Variants in MYRIP observed in about 807,000 individuals in gnomAD.
MYRIP encodes the protein myosin VIIA and Rab interacting protein.
In MYRIP, 49 loss-of-function variants were observed where a neutral mutation model predicts 98.0. The observed-to-expected ratio is 0.50, with a 90% CI of 0.40 to 0.63. MYRIP has a LOEUF of 0.63. Ranked by LOEUF, MYRIP falls within the 30% of genes least tolerant of loss-of-function variation. The probability of loss-of-function intolerance (pLI) is 0.00; values close to 1 mark genes in which losing one functional copy is unlikely to be tolerated. For missense variants in MYRIP, 1,004 were observed against 1,058.2 expected (o/e 0.95, Z 0.71); for synonymous variants, 404 against 409.5 (o/e 0.99, Z 0.16).
At chr3:39,937,461 G>C (rs1361269933) in intron 2 of MYRIP, among the ~76,000 whole-genome samples, 2 of 152,204 alleles carry the variant, frequency 1.3e-5, no homozygotes, top group African/African-American at 4.8e-5. Context: ...TGCAGACACA[G>C]TCCTGCTGTT....
At chr3:39,965,666 A>G (rs1945422210) in intron 2 of MYRIP, among the ~76,000 whole-genome samples, 1 of 152,050 alleles carries the variant, frequency 6.6e-6, no homozygotes, top group Non-Finnish European at 1.5e-5. Context: ...TGGAACCCTC[A>G]GGCATGAACT....
chr3:40,113,422 G>A (rs1949201970), intron 3 of MYRIP, among the ~76,000 whole-genome samples: 2 of 152,160 alleles, frequency 1.3e-5, no homozygotes, highest in African/African-American at 4.8e-5. Context: ...TGGGATTACA[G>A]GCATGAGCCA....
chr3:40,186,116 C>A (rs985550201), intron 9 of MYRIP, among the ~76,000 whole-genome samples: 1 of 152,036 alleles, frequency 6.6e-6, no homozygotes, highest in Non-Finnish European at 1.5e-5. Context: ...AACAGAATAG[C>A]CAGCGTCTCA....
At chr3:39,945,492 G>GAA (rs71618921) in intron 2 of MYRIP, among the ~76,000 whole-genome samples, 1 of 119,500 alleles carries the variant, frequency 8.4e-6, no homozygotes, top group East Asian at 3.1e-4. Flanking sequence ...AAAAAAAAAA[G>GAA]AAAAAAGAAA....
At chr3:39,931,565 T>C (rs1944537287) in intron 2 of MYRIP, among the ~76,000 whole-genome samples, 1 of 152,144 alleles carries the variant, frequency 6.6e-6, no homozygotes, top group Non-Finnish European at 1.5e-5. Context: ...ATAGAAGTGA[T>C]GAGAGATCCT....
At chr3:39,941,589 G>C (rs894585311) in intron 2 of MYRIP, among the ~76,000 whole-genome samples, 2 of 151,322 alleles carry the variant, frequency 1.3e-5, no homozygotes, top group Non-Finnish European at 2.9e-5. Context: ...ATTCTATACA[G>C]TTTTTCCTCA....
At position 40,250,329 on chromosome 3, in the gene MYRIP, G is replaced by A. The variant is rs1398253851; in HGVS notation, c.2367+3G>A. 10 of 1,613,516 alleles carry A rather than the reference G, an allele frequency of 6.2e-6. No individual in the cohort carries two copies. Among genetic ancestry groups the A allele is most frequent in the Non-Finnish European group, 6.8e-6 (8 of 1,179,540 alleles). On this transcript the variant is annotated splice_donor_region_variant and intron_variant, in intron 14 of 16. Coordinates refer to ENST00000302541, the MANE Select transcript of MYRIP (RefSeq NM_015460.4). ...GGGATCAGAAGCAAAGGACCCAGGTGTGTTTGTCCCTTTCTCCCTCTGTTG... is the reference window on the plus strand; with the variant it reads ...GGGATCAGAAGCAAAGGACCCAGGTATGTTTGTCCCTTTCTCCCTCTGTTG...
chr3:39,858,502 A>C (rs977293193), intron 1 of MYRIP, among the ~76,000 whole-genome samples: 6 of 152,128 alleles, frequency 3.9e-5, no homozygotes, highest in Non-Finnish European at 8.8e-5. Context: ...AAATCAATAA[A>C]AAATTAGCAG....
At chr3:40,177,751 G>T (rs546421274) in intron 8 of MYRIP, among the ~76,000 whole-genome samples, 102 of 152,218 alleles carry the variant, frequency 6.7e-4, no homozygotes, top group Non-Finnish European at 9.4e-4. Context: ...ATATAAAAAG[G>T]CCTCTCTAAT....
chr3:40,077,434 T>G (rs1559390357), intron 3 of MYRIP, among the ~76,000 whole-genome samples: 2 of 151,882 alleles, frequency 1.3e-5, no homozygotes, highest in African/African-American at 4.8e-5. Flanking sequence ...GTTCTCCACA[T>G]CCCCACCAGA....
At chr3:40,002,301 G>A (rs1946535785) in intron 2 of MYRIP, among the ~76,000 whole-genome samples, 3 of 152,126 alleles carry the variant, frequency 2.0e-5, no homozygotes, top group African/African-American at 4.8e-5. Flanking sequence ...TTGGGAAGCT[G>A]AGGTGGGTGG....
chr3:40,192,328 C>CATATATATATATGTCAT (rs1553624974), intron 10 of MYRIP, among the ~76,000 whole-genome samples: 7,280 of 30,414 alleles, frequency 0.24, 649 homozygotes, highest in Non-Finnish European at 0.27. Flanking sequence ...ATATATATGT[C>CATATATATATATGTCAT]ATATATATAT....
chr3:40,249,391 A>G (rs532803357), intron 13 of MYRIP, among the ~76,000 whole-genome samples: 3 of 152,284 alleles, frequency 2.0e-5, no homozygotes, highest in South Asian at 4.1e-4. Flanking sequence ...AATTCCATGC[A>G]CTGCCCAGAT....
chr3:40,235,237 A>G (rs1457871616), intron 12 of MYRIP, among the ~76,000 whole-genome samples: 6 of 152,204 alleles, frequency 3.9e-5, no homozygotes, highest in Admixed American at 6.5e-5. Context: ...ATGCTCCCCA[A>G]TAAGGATGCT....
At chr3:39,942,344 G>A (rs981294409) in intron 2 of MYRIP, among the ~76,000 whole-genome samples, 4 of 152,184 alleles carry the variant, frequency 2.6e-5, no homozygotes, top group African/African-American at 9.6e-5. Context: ...TAAAAATGTT[G>A]TATGAACCTT....
chr3:39,949,245 T>C (rs1258173548), intron 2 of MYRIP, among the ~76,000 whole-genome samples: 1 of 152,172 alleles, frequency 6.6e-6, no homozygotes, highest in Non-Finnish European at 1.5e-5. Context: ...TATCTCACAG[T>C]TTCTAGCTTG....
At chr3:40,087,921 C>T (rs1040289789) in intron 3 of MYRIP, among the ~76,000 whole-genome samples, 3 of 131,768 alleles carry the variant, frequency 2.3e-5, no homozygotes, top group Non-Finnish European at 5.2e-5. Flanking sequence ...ATGCCTGTGC[C>T]TCACTACACC....
At chr3:39,922,374 G>A (rs1033699959) in intron 2 of MYRIP, among the ~76,000 whole-genome samples, 2 of 152,324 alleles carry the variant, frequency 1.3e-5, no homozygotes, top group East Asian at 1.9e-4. Context: ...AGCTAAGCAG[G>A]AAGCTGAGAC....
chr3:39,901,012 A>G (rs1943729644), intron 2 of MYRIP, 86 bp downstream of exon 2: 1 of 967,162 alleles, frequency 1.0e-6, no homozygotes, highest in Non-Finnish European at 1.6e-6. Flanking sequence ...CCCTCCTGCT[A>G]GCCCTGAGTT....
Sources: allele counts gnomAD v4.1 joint callset (sites outside exome capture counted in the v4.1 genomes callset), GRCh38; gene constraint gnomAD v4.1.1; transcripts MANE v1.5; gene names NCBI Gene and HGNC (gene_info 2026-07-23, HGNC 2026-07-21).